TICRR: variants seen among roughly 807,000 people sequenced by gnomAD.
The protein encoded by TICRR is treslin.
A neutral mutation model predicts 178.1 loss-of-function variants in TICRR; 132 were observed. The ratio of observed to expected loss-of-function variants is 0.74; its 90% CI spans 0.64 to 0.86. TICRR has a LOEUF of 0.86. TICRR is among the 40% of genes least tolerant of loss of function. The probability of loss-of-function intolerance (pLI) is 0.00; values close to 1 mark genes in which losing one functional copy is unlikely to be tolerated. For synonymous variants in TICRR, 991 were observed against 900.7 expected (o/e 1.10, Z -1.79); for missense variants, 2,587 against 2,334.3 (o/e 1.11, Z -2.23).
chr15:89,576,858 T>TACAC (rs1292920042), intron 1 of TICRR, among the ~76,000 whole-genome samples: 1 of 120,922 alleles, frequency 8.3e-6, no homozygotes, highest in African/African-American at 3.4e-5. Context: ...TATATATATA[T>TACAC]ATACACACAC....
chr15:89,592,241 TTTC>T, intron 5 of TICRR, 65 bp downstream of exon 5: 1 of 1,461,898 alleles, frequency 6.8e-7, no homozygotes, highest in Non-Finnish European at 9.5e-7. Context: ...TCTGCATTTT[TTTC>T]TTAACAGACC....
chr15:89,586,784 G>A (rs1249454097), intron 4 of TICRR, among the ~76,000 whole-genome samples: 1 of 152,186 alleles, frequency 6.6e-6, no homozygotes, highest in Non-Finnish European at 1.5e-5. Flanking sequence ...GCCTGTGGCT[G>A]CAGTGAAAGG....
chr15:89,601,232 T>C, intron 9 of TICRR, 66 bp from the exon 10 acceptor site: 1 of 1,416,704 alleles, frequency 7.1e-7, no homozygotes, highest in Non-Finnish European at 9.9e-7. Flanking sequence ...GATCTATGCT[T>C]ACGGAAGGAG....
intron 1 of TICRR, 91 bp downstream of exon 1, chr15:89,576,331 C>G (rs755032106): frequency 2.2e-5 from 26 of 1,185,172 alleles, no homozygotes; most frequent in Non-Finnish European, 2.9e-5. Flanking sequence ...GCCACAGACC[C>G]CGAATGAGAC....
intron 6 of TICRR, among the ~76,000 whole-genome samples, 164 bp from the exon 7 acceptor site, chr15:89,595,229 C>A (rs1356689363): frequency 6.6e-6 from 1 of 152,172 alleles, no homozygotes; most frequent in Non-Finnish European, 1.5e-5. Flanking sequence ...TCTTTCTACC[C>A]TGTGTGTGGG....
Position 89,585,857 on chromosome 15 carries a change from C to T in TICRR, c.1326C>T (p.Pro442=). 4 of 1,614,078 alleles carry T rather than the reference C, an allele frequency of 2.5e-6. No homozygotes were observed. Among genetic ancestry groups the T allele is most frequent in the Non-Finnish European group, 3.4e-6 (4 of 1,180,026 alleles). Residue 442 remains proline, a synonymous_variant, in exon 4 of 22, where the codon CCC becomes CCT. Transcript: ENST00000268138. ...HVLQTAVADS[P]RDTASLFSDV... is the part of the protein sequence containing the mutation. ...TCCAAACAGCTGTGGCTGACAGCCC[C>T]CGGGACACAGCTTCCCTTTTCTCAG...
chr15:89,599,934 C>T (rs567071100), intron 8 of TICRR, among the ~76,000 whole-genome samples: 4 of 152,182 alleles, frequency 2.6e-5, no homozygotes, highest in South Asian at 2.1e-4. Context: ...GGTGAAACCC[C>T]GTCTCTACTA....
At chr15:89,604,537 G>T (rs772752611) in intron 13 of TICRR, among the ~76,000 whole-genome samples, 1 of 152,178 alleles carries the variant, frequency 6.6e-6, no homozygotes, top group Non-Finnish European at 1.5e-5. Context: ...ACTTTGGGAG[G>T]CCAAGGCAGG....
At chr15:89,620,460 G>A (rs995380635) in intron 18 of TICRR, among the ~76,000 whole-genome samples, 2 of 151,884 alleles carry the variant, frequency 1.3e-5, no homozygotes, top group African/African-American at 4.8e-5. Context: ...CATCTGCCTC[G>A]GCCTCCCAAA....
At chr15:89,606,423 C>A (rs1399317980) in intron 13 of TICRR, among the ~76,000 whole-genome samples, 2 of 152,160 alleles carry the variant, frequency 1.3e-5, no homozygotes, top group Non-Finnish European at 2.9e-5. Flanking sequence ...TGTTGGCACT[C>A]ATGAAGTTTT....
chr15:89,591,895 A>C (rs904686934), intron 4 of TICRR, 152 bp from the exon 5 acceptor site: 1 of 540,550 alleles, frequency 1.8e-6, no homozygotes, highest in African/African-American at 1.9e-5. Context: ...GGCCTGTAGC[A>C]GTTTGTGGTG....
At position 89,597,811 on chromosome 15, in the gene TICRR, G is replaced by T. The variant is rs148848924; in HGVS notation, c.1901-1513G>T. ...TGATAGGGATCACATAGAATCTATA[G>T]ATCAAATTGGGAATCTGAAATCTTG... On this transcript the variant is annotated intron_variant, in intron 7 of 21. Transcript: ENST00000268138. Among the ~76,000 whole-genome samples the T allele has an allele frequency of 8.0e-3, 1,220 of 152,262 alleles. 18 individuals are homozygous for T. The highest frequency in any genetic ancestry group is 0.028 in the African/African-American group (1,150 of 41,540).
chr15:89,585,744 A>G lies in TICRR; in HGVS notation c.1213A>G (p.Ile405Val), dbSNP rs544987715. ...GGACCCTGGTGAAGGCCGGCCCCCC[A>G]TCACTGGAGTTATTTCCCCACTCTC... ...DVDPGEGRPPITGVISPLSAS... is the reference protein window; with the variant it reads ...DVDPGEGRPPVTGVISPLSAS... Residue 405 changes from isoleucine to valine, a missense_variant, in exon 4 of 22, where the codon ATC becomes GTC. By Grantham distance (29) the Ile-to-Val change is conservative. Coordinates refer to ENST00000268138, the MANE Select transcript of TICRR (RefSeq NM_152259.4). 3.1e-6 allele frequency: 5 copies of G among 1,614,090 alleles called. No homozygotes were observed. The South Asian group carries it at 5.5e-5, about 18-fold the overall frequency.
At chr15:89,606,491 TCTTC>T (rs1191306339) in intron 13 of TICRR, among the ~76,000 whole-genome samples, 1 of 152,162 alleles carries the variant, frequency 6.6e-6, no homozygotes, top group Non-Finnish European at 1.5e-5. Flanking sequence ...TATAGAGAGG[TCTTC>T]CTTCCTTACT....
At position 89,627,195 on chromosome 15, in the gene TICRR, A is replaced by C; in HGVS notation, c.*109A>C. The C allele has an allele frequency of 7.2e-7, 1 of 1,391,356 alleles. No individual in the cohort carries two copies. Among genetic ancestry groups the C allele is most frequent in the African/African-American group, 1.4e-5 (1 of 69,738 alleles). 86.2% of individuals were successfully genotyped at this position (1,391,356 alleles called of 1,614,324 possible). On this transcript the variant is annotated 3_prime_UTR_variant, in exon 22 of 22. Coordinates refer to ENST00000268138, the MANE Select transcript of TICRR (RefSeq NM_152259.4). ...CTCTTTTGCCATGGTCAGTGTTCAG[A>C]TTGCCATTAGAATGCCTTAGGGTTT...
At position 89,619,944 on chromosome 15, in the gene TICRR, G is replaced by A. The variant is rs1481288861; in HGVS notation, c.3154+102G>A. ...ATTTGACATTTTCTTTCTTGACATTGGAGAAGTAGAATAGGTATGTCTAGT... is the reference window on the plus strand; with the variant it reads ...ATTTGACATTTTCTTTCTTGACATTAGAGAAGTAGAATAGGTATGTCTAGT... On this transcript the variant is annotated intron_variant, in intron 18 of 21. Coordinates refer to ENST00000268138, the MANE Select transcript of TICRR (RefSeq NM_152259.4). The A allele has an allele frequency of 4.2e-6, 6 of 1,412,184 alleles. No homozygotes were observed. In the African/African-American group the frequency reaches 8.6e-5, roughly 20 times the overall value. The allele number at this position is 1,412,184 out of a possible 1,614,324, so 87.5% of individuals were successfully genotyped here.
chr15:89,612,088 G>A (rs1169154616), intron 15 of TICRR, among the ~76,000 whole-genome samples: 1 of 152,112 alleles, frequency 6.6e-6, no homozygotes, highest in East Asian at 1.9e-4. Flanking sequence ...ATTATAATGT[G>A]GTAACTGCAT....
chr15:89,600,699 A>G lies in TICRR; in HGVS notation c.2153+14A>G. 1 of 1,291,238 alleles carries G rather than the reference A, an allele frequency of 7.7e-7. No individual in the cohort carries two copies. The highest frequency in any genetic ancestry group is 2.3e-5 in the East Asian group (1 of 42,808). The allele number at this position is 1,291,238 out of a possible 1,614,324, so 80.0% of individuals were successfully genotyped here. On this transcript the variant is annotated intron_variant, in intron 9 of 21. Coordinates refer to ENST00000268138, the MANE Select transcript of TICRR (RefSeq NM_152259.4). ...CAAAGTTAGAGAGTAAGTAACTACCATTTTTTAAAAAATCATCACTCTAAA... is the reference window on the plus strand; with the variant it reads ...CAAAGTTAGAGAGTAAGTAACTACCGTTTTTTAAAAAATCATCACTCTAAA...
chr15:89,621,519 C>T lies in TICRR; in HGVS notation c.3281C>T (p.Thr1094Ile). Reference protein sequence around the residue: ...SARMKKRSRNTLDSEVPAAYQ... With the variant: ...SARMKKRSRNILDSEVPAAYQ... ...CGAATGAAAAAGCGTTCAAGAAACA[C>T]TTTGGATTCGGAGGTACCTGCAGCT... is the stretch of plus-strand genomic sequence containing the variant. Residue 1094 changes from threonine (T) to isoleucine (I), a missense_variant, in exon 19 of 22, where the codon ACT becomes ATT. By Grantham distance (89) the Thr-to-Ile change is moderately conservative (BLOSUM62 -1). Transcript: ENST00000268138. The T allele has an allele frequency of 6.2e-7, 1 of 1,613,776 alleles. No individual in the cohort carries two copies. The highest frequency in any genetic ancestry group is 8.5e-7 in the Non-Finnish European group (1 of 1,179,924).
Sources: gnomAD v4.1 joint callset for allele counts (sites outside exome capture counted in the v4.1 genomes callset) on GRCh38, gnomAD v4.1.1 for gene constraint, MANE v1.5 for transcripts, NCBI Gene and HGNC (gene_info 2026-07-23, HGNC 2026-07-21) for gene names.